The following TSPAN14 variants were observed in gnomAD, a reference collection of about 807,000 sequenced individuals.
The protein encoded by TSPAN14 is tetraspanin-14.
TSPAN14 carries 16 observed loss-of-function variants against 36.6 expected under a neutral mutation model. The observed-to-expected ratio is 0.44, with a 90% CI of 0.30 to 0.66. TSPAN14 has a LOEUF of 0.66. Ranked by LOEUF, TSPAN14 falls within the 30% of genes least tolerant of loss-of-function variation. The pLI, the probability that TSPAN14 is intolerant of heterozygous loss-of-function variation, is 0.12. For missense variants in TSPAN14, 231 were observed against 355.1 expected, an observed-to-expected ratio of 0.65 and a Z score of 2.81; for synonymous variants, 139 against 143.8, an observed-to-expected ratio of 0.97 and a Z score of 0.24.
chr10:80,511,233 G>A (rs886602414), intron 5 of TSPAN14, among the ~76,000 whole-genome samples: 4 of 152,296 alleles, frequency 2.6e-5, no homozygotes, highest in Non-Finnish European at 2.9e-5. Context: ...CACCAGATGC[G>A]AGGAAGGGGA....
At chr10:80,465,320 C>G (rs1396726533) in intron 1 of TSPAN14, among the ~76,000 whole-genome samples, 1 of 152,200 alleles carries the variant, frequency 6.6e-6, no homozygotes, top group Non-Finnish European at 1.5e-5. Context: ...CACTCAGCTG[C>G]TGAAAAGCCT....
At chr10:80,514,687 C>G (rs1017901853) in intron 7 of TSPAN14, among the ~76,000 whole-genome samples, 1 of 152,114 alleles carries the variant, frequency 6.6e-6, no homozygotes, top group African/African-American at 2.4e-5. Context: ...GGATGTGTCC[C>G]TACAGCTTGG....
intron 3 of TSPAN14, among the ~76,000 whole-genome samples, chr10:80,506,011 G>A (rs867255877): frequency 3.3e-5 from 5 of 152,212 alleles, no homozygotes; most frequent in African/African-American, 1.2e-4. Flanking sequence ...AGACTCTGTT[G>A]CCCAGGCCGG....
At chr10:80,518,023 G>A (rs1841037936) in exon 9 of TSPAN14, 2 of 1,538,246 alleles carry the variant, frequency 1.3e-6, no homozygotes, top group Non-Finnish European at 1.8e-6. Context: ...GGAGGCCAGA[G>A]CCTTTCTCTG....
chr10:80,514,051 T>C, exon 7 of TSPAN14: 1 of 1,613,956 alleles, frequency 6.2e-7, no homozygotes, highest in Non-Finnish European at 8.5e-7. Context: ...GTGGATATGA[T>C]GTCAGGATTC....
exon 9 of TSPAN14, chr10:80,519,618 A>G (rs534567242): frequency 6.6e-6 from 1 of 151,478 alleles, no homozygotes; most frequent in African/African-American, 2.4e-5. Context: ...TATGGAATAT[A>G]TCTTTATATT....
intron 7 of TSPAN14, 181 bp from the exon 8 acceptor site, chr10:80,516,023 C>A: frequency 1.2e-6 from 1 of 840,824 alleles, no homozygotes; most frequent in Non-Finnish European, 1.8e-6. Context: ...GGCACAGTGC[C>A]CAGCGAGGGG....
Position 80,469,878 on chromosome 10 carries a change from T to G in TSPAN14, c.-18+15507T>G, listed in dbSNP as rs144558584. ...AGAAGTTTTCCAGATTGCCGTCCTT[T>G]GAGGTGGGTTTTTTTTGTCTTAAAA... is the stretch of plus-strand genomic sequence containing the variant. On this transcript the variant is annotated intron_variant, in intron 1 of 8. Transcript: ENST00000429989. Among the ~76,000 whole-genome samples, 25 of 152,204 alleles carry G rather than the reference T, an allele frequency of 1.6e-4. No individual in the cohort carries two copies. The East Asian group carries it at 4.8e-3, about 29-fold the overall frequency.
chr10:80,492,673 G>A lies in TSPAN14; in HGVS notation c.81+3359G>A, dbSNP rs1051154926. On this transcript the variant is annotated intron_variant, in intron 2 of 8. Transcript: ENST00000429989. The stretch of plus-strand genomic sequence containing the variant: ...CTACTAAAAATACAAAAAATTAGCC[G>A]GGCGTGGTGGTGGGCACCTGTAGCC... 9.2e-5 allele frequency among the ~76,000 whole-genome samples: 14 copies of A among 152,150 alleles called. No individual in the cohort carries two copies. In the East Asian group the frequency reaches 9.7e-4, roughly 10 times the overall value.
chr10:80,509,295 C>T lies in TSPAN14; in HGVS notation c.280-6C>T, dbSNP rs754254705. On this transcript the variant is annotated splice_region_variant and splice_polypyrimidine_tract_variant and intron_variant, in intron 4 of 8. Transcript: ENST00000429989. The surrounding 1 kb of genome is among the most constrained non-coding windows in gnomAD (Gnocchi z 4.7). ...TGACTTCTGCTCCCGTCCCCTTCCC[C>T]TGCAGTTCTGTGGCACCATCGTGCT... is the stretch of plus-strand genomic sequence containing the variant. 1.2e-6 allele frequency: 2 copies of T among 1,613,002 alleles called. No homozygotes were observed. The highest frequency in any genetic ancestry group is 1.7e-6 in the Non-Finnish European group (2 of 1,179,610).
intron 1 of TSPAN14, among the ~76,000 whole-genome samples, chr10:80,469,730 C>T (rs112445093): frequency 1.0e-3 from 155 of 152,306 alleles, no homozygotes; most frequent in African/African-American, 3.6e-3. Context: ...CACTGGGCTT[C>T]ACTTTTCATG....
At chr10:80,488,445 G>A (rs916888930) in intron 1 of TSPAN14, among the ~76,000 whole-genome samples, 8 of 152,074 alleles carry the variant, frequency 5.3e-5, no homozygotes, top group Admixed American at 3.3e-4. Context: ...AGTTCACAGG[G>A]TCTTCCCACA....
intron 2 of TSPAN14, among the ~76,000 whole-genome samples, chr10:80,499,495 C>T (rs1426871528): frequency 6.6e-6 from 1 of 152,172 alleles, no homozygotes; most frequent in African/African-American, 2.4e-5. Context: ...ACCCCAAAGC[C>T]CCCCTGTGGA....
At chr10:80,488,530 G>T (rs996200837) in intron 1 of TSPAN14, among the ~76,000 whole-genome samples, 3 of 151,734 alleles carry the variant, frequency 2.0e-5, no homozygotes, top group Admixed American at 6.6e-5. Context: ...GAGGTGGAGT[G>T]GGGGGCGAGT....
intron 2 of TSPAN14, among the ~76,000 whole-genome samples, chr10:80,494,131 TA>T (rs1848065679): frequency 6.6e-6 from 1 of 152,204 alleles, no homozygotes. Context: ...GCCTTTAGTT[TA>T]AAAAAATTTT....
At chr10:80,478,546 C>G (rs1847055257) in intron 1 of TSPAN14, among the ~76,000 whole-genome samples, 1 of 152,186 alleles carries the variant, frequency 6.6e-6, no homozygotes, top group African/African-American at 2.4e-5. Flanking sequence ...CTAGTACCCT[C>G]AGATGTCAAT....
intron 1 of TSPAN14, among the ~76,000 whole-genome samples, chr10:80,470,511 T>C (rs1846485601): frequency 6.6e-6 from 1 of 152,282 alleles, no homozygotes; most frequent in Non-Finnish European, 1.5e-5. Flanking sequence ...CTTACAGCCA[T>C]AATCTTTATG....
intron 2 of TSPAN14, among the ~76,000 whole-genome samples, chr10:80,500,657 T>C (rs1203236570): frequency 4.6e-5 from 7 of 152,156 alleles, no homozygotes; most frequent in Non-Finnish European, 8.8e-5. Flanking sequence ...GGCCAAGTCC[T>C]TATTCTTAGA....
chr10:80,477,630 G>C (rs1846993752), intron 1 of TSPAN14, among the ~76,000 whole-genome samples: 1 of 152,174 alleles, frequency 6.6e-6, no homozygotes, highest in Non-Finnish European at 1.5e-5. Context: ...CTGAGTACAA[G>C]AATAGTTTGA....
Sources: gnomAD v4.1 joint callset for allele counts (sites outside exome capture counted in the v4.1 genomes callset) on GRCh38, gnomAD v4.1.1 for gene constraint, Gnocchi (gnomAD v3.1) non-coding constraint, MANE v1.5 for transcripts, NCBI Gene and HGNC (gene_info 2026-07-23, HGNC 2026-07-21) for gene names.